The following GALNT18 variants were observed in gnomAD, a reference collection of about 807,000 sequenced individuals.
The protein encoded by GALNT18 is polypeptide N-acetylgalactosaminyltransferase 18.
GALNT18 carries 44 observed loss-of-function variants against 69.5 expected under a neutral mutation model. That is an observed-to-expected ratio of 0.63 (90% confidence interval 0.50 to 0.81). The LOEUF (loss-of-function observed/expected upper bound fraction) is 0.81. Among genes scored for constraint, GALNT18 ranks in the 40% least tolerant of loss-of-function variants. The probability of loss-of-function intolerance (pLI) is 0.00; values close to 1 mark genes in which losing one functional copy is unlikely to be tolerated. For missense variants in GALNT18, 715 were observed against 810.0 expected, an observed-to-expected ratio of 0.88 and a Z score of 1.42; for synonymous variants, 364 against 318.2, an observed-to-expected ratio of 1.14 and a Z score of -1.53.
At chr11:11,526,002 C>G (rs1275161448) in intron 1 of GALNT18, among the ~76,000 whole-genome samples, 1 of 152,080 alleles carries the variant, frequency 6.6e-6, no homozygotes, top group Non-Finnish European at 1.5e-5. Flanking sequence ...TTGGAAGACA[C>G]GGAAGAAACT....
At chr11:11,400,195 A>G (rs1054705463) in intron 3 of GALNT18, among the ~76,000 whole-genome samples, 4 of 152,130 alleles carry the variant, frequency 2.6e-5, no homozygotes, top group African/African-American at 9.7e-5. Context: ...GCCCAGTCAA[A>G]CCTTCTGATG....
At chr11:11,425,311 C>G (rs746694369) in intron 3 of GALNT18, among the ~76,000 whole-genome samples, 1 of 152,220 alleles carries the variant, frequency 6.6e-6, no homozygotes, top group African/African-American at 2.4e-5. Context: ...TTCCATCCAG[C>G]CTTCAAGCAC....
rs1287508735 is a variant in GALNT18, at chr11:11,339,809, C to T, written c.1278+1010G>A. Among the ~76,000 whole-genome samples, 1 of 152,164 alleles carries T rather than the reference C, an allele frequency of 6.6e-6. No individual in the cohort carries two copies. The highest frequency in any genetic ancestry group is 2.4e-5 in the African/African-American group (1 of 41,438). Reference sequence around the variant, plus strand: ...GTGTGGCTGGGAGGTGGGCTAAAAGCTCCCACCCATGAACCAGTCAACTTC... The same window carrying T: ...GTGTGGCTGGGAGGTGGGCTAAAAGTTCCCACCCATGAACCAGTCAACTTC... On this transcript the variant is annotated intron_variant, in intron 7 of 10. Transcript: ENST00000227756. The surrounding 1 kb of genome is among the most constrained non-coding windows in gnomAD (Gnocchi z 5.2).
intron 1 of GALNT18, among the ~76,000 whole-genome samples, chr11:11,486,258 C>T (rs1856642970): frequency 1.3e-5 from 2 of 152,314 alleles, no homozygotes; most frequent in South Asian, 4.2e-4. Context: ...TTCATTTCCT[C>T]AAACTTCTCT....
At chr11:11,334,800 T>C (rs1850081762) in intron 7 of GALNT18, among the ~76,000 whole-genome samples, 1 of 152,126 alleles carries the variant, frequency 6.6e-6, no homozygotes, top group African/African-American at 2.4e-5. Context: ...CTCCTTAAGG[T>C]CAGGAAACTT....
chr11:11,385,875 G>A (rs1339077652), intron 3 of GALNT18, among the ~76,000 whole-genome samples: 2 of 152,130 alleles, frequency 1.3e-5, no homozygotes, highest in African/African-American at 2.4e-5. Context: ...ACTGGAGTGG[G>A]ATAGGATCCT....
At chr11:11,414,726 T>C (rs1305795970) in intron 3 of GALNT18, among the ~76,000 whole-genome samples, 2 of 152,230 alleles carry the variant, frequency 1.3e-5, no homozygotes, top group South Asian at 2.1e-4. Flanking sequence ...GTCAATCTCA[T>C]ATTCCCAGTG....
At position 11,465,514 on chromosome 11, in the gene GALNT18, G is replaced by A. The variant is rs4910009; in HGVS notation, c.236-16578C>T. Among the ~76,000 whole-genome samples, 19,724 of 152,112 alleles carry A rather than the reference G, an allele frequency of 0.13. 1,782 individuals carry two copies. Among genetic ancestry groups the A allele is most frequent in the East Asian group, 0.36 (1,858 of 5,140 alleles). On this transcript the variant is annotated intron_variant, in intron 1 of 10. Coordinates refer to ENST00000227756, the MANE Select transcript of GALNT18 (RefSeq NM_198516.3). This position sits in a 1 kb window ranked among gnomAD's most constrained non-coding sequence, Gnocchi z 5.7. ...CCATGGCAGCTCAGTAGCCACAGAAGCCAAAGCCACCTGGCCATGAGGTCA... is the reference window on the plus strand; with the variant it reads ...CCATGGCAGCTCAGTAGCCACAGAAACCAAAGCCACCTGGCCATGAGGTCA...
Position 11,469,311 on chromosome 11 carries a change from G to C in GALNT18, c.236-20375C>G, listed in dbSNP as rs995678268. 6.6e-6 allele frequency among the ~76,000 whole-genome samples: 1 copy of C among 152,176 alleles called. No individual in the cohort carries two copies. Among genetic ancestry groups the C allele is most frequent in the African/African-American group, 2.4e-5 (1 of 41,436 alleles). Reference sequence around the variant, plus strand: ...ACAGAGGGAGCAGATGAAAGGCATGGAGACAGCGCTGAAAGCCTGCCCCTC... The same window carrying C: ...ACAGAGGGAGCAGATGAAAGGCATGCAGACAGCGCTGAAAGCCTGCCCCTC... On this transcript the variant is annotated intron_variant, in intron 1 of 10. Coordinates refer to ENST00000227756, the MANE Select transcript of GALNT18 (RefSeq NM_198516.3). The surrounding 1 kb of genome is among the most constrained non-coding windows in gnomAD (Gnocchi z 4.2).
At chr11:11,310,675 G>A (rs1340257778) in intron 9 of GALNT18, among the ~76,000 whole-genome samples, 1 of 152,180 alleles carries the variant, frequency 6.6e-6, no homozygotes, top group Non-Finnish European at 1.5e-5. Flanking sequence ...AGAGGGCCCA[G>A]CTCTGCTTAA....
intron 1 of GALNT18, among the ~76,000 whole-genome samples, chr11:11,579,059 C>T (rs1475832294): frequency 1.3e-5 from 2 of 152,190 alleles, no homozygotes; most frequent in Admixed American, 6.5e-5. Flanking sequence ...GCCAAGAGGG[C>T]GGCTCGGGTT....
chr11:11,500,351 CT>C lies in GALNT18; in HGVS notation c.236-51416del, dbSNP rs1856949573. Among the ~76,000 whole-genome samples the C allele has an allele frequency of 6.6e-6, 1 of 152,192 alleles. No individual in the cohort carries two copies. The highest frequency in any genetic ancestry group is 2.4e-5 in the African/African-American group (1 of 41,440). On this transcript the variant is annotated intron_variant, in intron 1 of 10. Transcript: ENST00000227756. The surrounding 1 kb of genome is among the most constrained non-coding windows in gnomAD (Gnocchi z 5.0). ...ATTTCTTCACTTCTTTCTTGAGTGG[CT>C]TTAGGTACATGTCTGAACCTTTCTG...
At chr11:11,312,989 A>G (rs1849694353) in intron 9 of GALNT18, among the ~76,000 whole-genome samples, 2 of 152,144 alleles carry the variant, frequency 1.3e-5, no homozygotes, top group Admixed American at 1.3e-4. Flanking sequence ...CAAATCCAAG[A>G]GCTGTGAAAA....
rs1859108727 is a variant in GALNT18 at position 11,582,410 on chromosome 11, T to C, written c.235+38949A>G. Among the ~76,000 whole-genome samples, 1 of 152,202 alleles carries C rather than the reference T, an allele frequency of 6.6e-6. No individual in the cohort carries two copies. The highest frequency in any genetic ancestry group is 2.4e-5 in the African/African-American group (1 of 41,458). ...CCCCGTGGCTTGCAGTGCTATCCAG[T>C]GGGGGATTCTGTGTCCCATCCCACA... is the stretch of plus-strand genomic sequence containing the variant. On this transcript the variant is annotated intron_variant, in intron 1 of 10. Transcript: ENST00000227756. The surrounding 1 kb of genome is among the most constrained non-coding windows in gnomAD (Gnocchi z 5.0).
Position 11,461,720 on chromosome 11 carries a change from A to C in GALNT18, c.236-12784T>G, listed in dbSNP as rs1441660367. Among the ~76,000 whole-genome samples, 2 of 152,176 alleles carry C rather than the reference A, an allele frequency of 1.3e-5. No individual in the cohort carries two copies. The highest frequency in any genetic ancestry group is 4.8e-5 in the African/African-American group (2 of 41,442). Reference sequence around the variant, plus strand: ...CCAACCCTGCTAATGTTAAAGAGGCATGCTTCCCTGACACAGACACACGGA... The same window carrying C: ...CCAACCCTGCTAATGTTAAAGAGGCCTGCTTCCCTGACACAGACACACGGA... On this transcript the variant is annotated intron_variant, in intron 1 of 10. Coordinates refer to ENST00000227756, the MANE Select transcript of GALNT18 (RefSeq NM_198516.3). This position sits in a 1 kb window ranked among gnomAD's most constrained non-coding sequence, Gnocchi z 4.1.
chr11:11,606,759 G>C lies in GALNT18; in HGVS notation c.235+14600C>G, dbSNP rs1301986958. Among the ~76,000 whole-genome samples, 21 of 152,136 alleles carry C rather than the reference G, an allele frequency of 1.4e-4. No homozygotes were observed. On this transcript the variant is annotated intron_variant, in intron 1 of 10. Transcript: ENST00000227756. The surrounding 1 kb of genome is among the most constrained non-coding windows in gnomAD (Gnocchi z 5.4). Reference sequence around the variant, plus strand: ...TGCACACGTTTCTCCTGAAGTTGAGGGAAGTAACTGGATGTAGAGGAAAAT... The same window carrying C: ...TGCACACGTTTCTCCTGAAGTTGAGCGAAGTAACTGGATGTAGAGGAAAAT...
chr11:11,356,359 G>C lies in GALNT18; in HGVS notation c.1093-15355C>G, dbSNP rs1850529279. On this transcript the variant is annotated intron_variant, in intron 6 of 10. Transcript: ENST00000227756. The surrounding 1 kb of genome is among the most constrained non-coding windows in gnomAD (Gnocchi z 4.4). ...TGGTGGCCAAGAAGCTACCTTCCAG[G>C]GTCTGATACCGACCAGCATGCAGAC... is the stretch of plus-strand genomic sequence containing the variant. Among the ~76,000 whole-genome samples, 1 of 152,036 alleles carries C rather than the reference G, an allele frequency of 6.6e-6. No homozygotes were observed. Among genetic ancestry groups the C allele is most frequent in the South Asian group, 2.1e-4 (1 of 4,820 alleles).
In GALNT18 at chr11:11,327,079, G is replaced by C. The variant is rs1263379278; in HGVS notation, c.1512+7C>G. 6.2e-7 allele frequency: 1 copy of C among 1,601,804 alleles called. No individual in the cohort carries two copies. The highest frequency in any genetic ancestry group is 8.6e-7 in the Non-Finnish European group (1 of 1,168,744). On this transcript the variant is annotated splice_region_variant and intron_variant, in intron 9 of 10. Coordinates refer to ENST00000227756, the MANE Select transcript of GALNT18 (RefSeq NM_198516.3). ...CTCCTGGCACAGGAATCTCTTAGAG[G>C]ACTCACCTGAGGCGTCATCCCATGG...
intron 1 of GALNT18, among the ~76,000 whole-genome samples, chr11:11,574,144 C>T (rs4243936): frequency 0.95 from 144,938 of 152,244 alleles, 69,082 homozygotes; most frequent in East Asian, 1. Context: ...CATACTGCCT[C>T]ATAAGAAGTT....
Sources: gnomAD v4.1 joint callset for allele counts (sites outside exome capture counted in the v4.1 genomes callset) on GRCh38, gnomAD v4.1.1 for gene constraint, Gnocchi (gnomAD v3.1) non-coding constraint, MANE v1.5 for transcripts, NCBI Gene and HGNC (gene_info 2026-07-23, HGNC 2026-07-21) for gene names.